TTC27: variants seen among roughly 807,000 people sequenced by gnomAD.
The protein encoded by TTC27 is tetratricopeptide repeat domain 27, also known as tetratricopeptide repeat protein 27.
A neutral mutation model predicts 115.9 loss-of-function variants in TTC27; 79 were observed. That is an observed-to-expected ratio of 0.68 (90% CI 0.57 to 0.82). The LOEUF (loss-of-function observed/expected upper bound fraction) is 0.82. Among genes scored for constraint, TTC27 ranks in the 40% least tolerant of loss-of-function variants. The probability of loss-of-function intolerance (pLI) is 0.00; values close to 1 mark genes in which losing one functional copy is unlikely to be tolerated. For synonymous variants in TTC27, 401 were observed against 356.0 expected (o/e 1.13, Z -1.42); for missense variants, 1,054 against 993.1 (o/e 1.06, Z -0.82).
At chr2:32,766,764 C>T (rs1366777770) in intron 13 of TTC27, among the ~76,000 whole-genome samples, 1 of 150,916 alleles carries the variant, frequency 6.6e-6, no homozygotes, top group East Asian at 1.9e-4. Context: ...TATTTCCCTA[C>T]TTCACCTCAT....
At chr2:32,741,948 C>A (rs1405039401) in intron 12 of TTC27, among the ~76,000 whole-genome samples, 1 of 152,168 alleles carries the variant, frequency 6.6e-6, no homozygotes, top group African/African-American at 2.4e-5. Flanking sequence ...GAAATAGGAA[C>A]AAACCTTAAA....
intron 10 of TTC27, among the ~76,000 whole-genome samples, chr2:32,706,075 C>CTGTTTT (rs757011051): frequency 1.2e-5 from 1 of 83,050 alleles, no homozygotes; most frequent in Non-Finnish European, 2.4e-5. Context: ...ATTTACCTTA[C>CTGTTTT]TCTTTTTTTT....
At chr2:32,737,084 C>T (rs182017443) in intron 12 of TTC27, among the ~76,000 whole-genome samples, 14 of 152,192 alleles carry the variant, frequency 9.2e-5, no homozygotes, top group Admixed American at 2.0e-4. Context: ...GACTTCAAAG[C>T]GAAATATTTG....
rs3769557 is a variant in TTC27 at position 32,820,495 on chromosome 2, G to A, written c.2410-321G>A. Among the ~76,000 whole-genome samples the A allele has an allele frequency of 2.0e-5, 3 of 152,158 alleles. 1 individual carries two copies. The highest frequency in any genetic ancestry group is 2.0e-4 in the Admixed American group (3 of 15,298). On this transcript the variant is annotated intron_variant, in intron 19 of 19. Transcript: ENST00000317907. ...TTTGCCTGCATACACAATAAATAAA[G>A]TCATTTTGTTTAGTTGAATTATGTC...
rs558026868 is a variant in TTC27 at position 32,764,805 on chromosome 2, G to C, written c.1680+6286G>C. On this transcript the variant is annotated intron_variant, in intron 13 of 19. Coordinates refer to ENST00000317907, the MANE Select transcript of TTC27 (RefSeq NM_017735.5). ...TCAACAATGTTTACAACATCTTCAC[G>C]AGGAACAAATTCCATCTCAAGAAAC... 2.0e-5 allele frequency among the ~76,000 whole-genome samples: 3 copies of C among 152,102 alleles called. No homozygotes were observed. The South Asian group carries it at 6.2e-4, about 32-fold the overall frequency.
In TTC27 at chr2:32,786,979, A is replaced by G; in HGVS notation, c.1833-5A>G. ...TTGCTCTCTTTAAAATTTGACCTTC[A>G]ATAGAGTAAAAGCTTTTAGAACTTT... is the stretch of plus-strand genomic sequence containing the variant. On this transcript the variant is annotated splice_region_variant and splice_polypyrimidine_tract_variant and intron_variant, in intron 15 of 19. Coordinates refer to ENST00000317907, the MANE Select transcript of TTC27 (RefSeq NM_017735.5). 7 of 1,603,904 alleles carry G rather than the reference A, an allele frequency of 4.4e-6. No homozygotes were observed. Among genetic ancestry groups the G allele is most frequent in the Non-Finnish European group, 5.9e-6 (7 of 1,177,574 alleles).
rs1448237690 is a variant in TTC27 at position 32,650,189 on chromosome 2, G to T, written c.596G>T (p.Arg199Leu). The T allele has an allele frequency of 6.2e-7, 1 of 1,613,782 alleles. No homozygotes were observed. The highest frequency in any genetic ancestry group is 1.7e-5 in the Admixed American group (1 of 59,978). ...ATTCATCAGCATTTGCTTGAGGAAC[G>T]CTCACCTCTGCTTTTTACTCTTGCC... ...VNIHQHLLEE[R>L]SPLLFTLAEN... Residue 199 changes from arginine (R) to leucine (L), a missense_variant, in exon 5 of 20, where the codon CGC becomes CTC. Physicochemically the swap from Arg to Leu is moderately radical, Grantham distance 102 (BLOSUM62 -2). Coordinates refer to ENST00000317907, the MANE Select transcript of TTC27 (RefSeq NM_017735.5).
intron 13 of TTC27, among the ~76,000 whole-genome samples, chr2:32,768,793 A>C (rs1205804512): frequency 2.0e-5 from 3 of 152,230 alleles, no homozygotes; most frequent in Admixed American, 6.5e-5. Flanking sequence ...TGGGACTTAC[A>C]CATTGGGCTG....
At chr2:32,630,869 A>G (rs1241592436) in intron 2 of TTC27, among the ~76,000 whole-genome samples, 169 bp downstream of exon 2, 1 of 152,242 alleles carries the variant, frequency 6.6e-6, no homozygotes, top group East Asian at 1.9e-4. Flanking sequence ...AAGTCCATCC[A>G]GAATGAAGAA....
chr2:32,742,252 A>G lies in TTC27; in HGVS notation c.1452+5436A>G, dbSNP rs185310967. On this transcript the variant is annotated intron_variant, in intron 12 of 19. Transcript: ENST00000317907. ...ATTGTTAATCCCTTAAAAATTGGAT[A>G]TTAGCTTTGTAAGTTAAAACCTGTT... 2.7e-3 allele frequency among the ~76,000 whole-genome samples: 408 copies of G among 152,356 alleles called. 1 individual carries two copies. The highest frequency in any genetic ancestry group is 6.6e-3 in the South Asian group (32 of 4,832).
intron 12 of TTC27, among the ~76,000 whole-genome samples, chr2:32,745,396 A>C (rs1195881636): frequency 2.0e-5 from 3 of 152,162 alleles, no homozygotes; most frequent in Admixed American, 6.5e-5. Context: ...TCTCTAAAGA[A>C]CGATTCAGTG....
At chr2:32,740,986 C>T (rs1668614871) in intron 12 of TTC27, among the ~76,000 whole-genome samples, 1 of 152,148 alleles carries the variant, frequency 6.6e-6, no homozygotes. Flanking sequence ...GTTTCCATTG[C>T]CAACTGCATT....
chr2:32,756,690 G>A (rs528419208), intron 12 of TTC27, among the ~76,000 whole-genome samples: 8 of 152,312 alleles, frequency 5.3e-5, no homozygotes, highest in African/African-American at 2.4e-5. Flanking sequence ...GCCAACTGAT[G>A]TATGTTAGGG....
At position 32,765,234 on chromosome 2, in the gene TTC27, C is replaced by A. The variant is rs190141610; in HGVS notation, c.1680+6715C>A. 3.3e-5 allele frequency among the ~76,000 whole-genome samples: 5 copies of A among 152,278 alleles called. No homozygotes were observed. In the East Asian group the frequency reaches 9.6e-4, roughly 29 times the overall value. ...TTGAAAGTCTAGATTACTCCTTGTT[C>A]CATGGCTGCGGAGTGGTTGTTGTGT... is the stretch of plus-strand genomic sequence containing the variant. On this transcript the variant is annotated intron_variant, in intron 13 of 19. Coordinates refer to ENST00000317907, the MANE Select transcript of TTC27 (RefSeq NM_017735.5).
chr2:32,729,862 C>G (rs758592576), intron 10 of TTC27, among the ~76,000 whole-genome samples: 2 of 152,102 alleles, frequency 1.3e-5, no homozygotes, highest in African/African-American at 2.4e-5. Context: ...TAAAGACCAC[C>G]TCCTCATACC....
intron 9 of TTC27, among the ~76,000 whole-genome samples, chr2:32,687,259 T>C (rs939476246): frequency 6.6e-6 from 1 of 152,224 alleles, no homozygotes; most frequent in African/African-American, 2.4e-5. Flanking sequence ...TTTTCCACTA[T>C]TGTAGGTTGT....
intron 10 of TTC27, among the ~76,000 whole-genome samples, chr2:32,707,740 A>G (rs1241452247): frequency 1.3e-5 from 2 of 152,188 alleles, no homozygotes. Flanking sequence ...TAGGTTTTAT[A>G]TATTCCATAG....
At chr2:32,762,326 T>A (rs1304140755) in intron 13 of TTC27, among the ~76,000 whole-genome samples, 1 of 101,060 alleles carries the variant, frequency 9.9e-6, no homozygotes, top group Non-Finnish European at 2.1e-5. Flanking sequence ...TGTGTGTGTG[T>A]GTTGGGGGAA....
chr2:32,697,855 G>A (rs995232181), intron 9 of TTC27, among the ~76,000 whole-genome samples: 1 of 152,000 alleles, frequency 6.6e-6, no homozygotes, highest in African/African-American at 2.4e-5. Flanking sequence ...GGGTTCAAAC[G>A]ATTCTCATAC....
Sources: gnomAD v4.1 joint callset for allele counts (sites outside exome capture counted in the v4.1 genomes callset) on GRCh38, gnomAD v4.1.1 for gene constraint, MANE v1.5 for transcripts, NCBI Gene and HGNC (gene_info 2026-07-23, HGNC 2026-07-21) for gene names.